SGSM1: variants seen among roughly 807,000 people sequenced by gnomAD.
SGSM1 encodes the protein RUN and TBC1 domain containing 2.
A neutral mutation model predicts 133.8 loss-of-function variants in SGSM1; 73 were observed. That is an observed-to-expected ratio of 0.55 (90% confidence interval 0.45 to 0.66). The LOEUF is 0.66. Among genes scored for constraint, SGSM1 ranks in the 30% least tolerant of loss-of-function variants. The pLI, the probability that SGSM1 is intolerant of heterozygous loss-of-function variation, is 0.00. For missense variants in SGSM1, 1,213 were observed against 1,448.1 expected (o/e 0.84, Z 2.64); for synonymous variants, 563 against 573.0 (o/e 0.98, Z 0.25).
chr22:24,868,206 CAG>C (rs1156460559), intron 10 of SGSM1, among the ~76,000 whole-genome samples, 168 bp from the exon 11 acceptor site: 5 of 152,128 alleles, frequency 3.3e-5, no homozygotes, highest in African/African-American at 9.7e-5. Flanking sequence ...GAGAGAGACT[CAG>C]GGGAGGTAAA....
rs1339034474 is a variant in SGSM1, at chr22:24,926,814, G to C, written c.*2540G>C. On this transcript the variant is annotated 3_prime_UTR_variant, in exon 25 of 25. Coordinates refer to ENST00000400358, the MANE Select transcript of SGSM1 (RefSeq NM_001098497.3). Reference sequence around the variant, plus strand: ...TGCTGAAGAGTTGTGTCTATATATAGAGAAAATATATATAAACAGAGAAAT... The same window carrying C: ...TGCTGAAGAGTTGTGTCTATATATACAGAAAATATATATAAACAGAGAAAT... 6.6e-6 allele frequency: 1 copy of C among 151,610 alleles called. No homozygotes were observed. The highest frequency in any genetic ancestry group is 1.9e-4 in the East Asian group (1 of 5,172). 9.4% of individuals were successfully genotyped at this position (151,610 alleles called of 1,614,324 possible).
intron 2 of SGSM1, among the ~76,000 whole-genome samples, chr22:24,824,598 C>A (rs1055724601): frequency 1.1e-5 from 1 of 91,026 alleles, no homozygotes. Context: ...CTGTTTCTCC[C>A]TGATACAATG....
Position 24,901,901 on chromosome 22 carries a change from C to T in SGSM1, c.2679C>T (p.Arg893=), listed in dbSNP as rs747985486. The change falls in exon 20 of 25, where the codon CGC becomes CGT. Residue 893 remains arginine (R), a synonymous_variant. Transcript: ENST00000400358. ...RIEKDVQRCD[R]NYWYFTPANL... is the part of the protein sequence containing the mutation. The stretch of plus-strand genomic sequence containing the variant: ...AGAAGGATGTGCAGAGGTGCGACCG[C>T]AACTACTGGTACTTCACGCCCGCCA... 2.5e-5 allele frequency: 38 copies of T among 1,550,410 alleles called. No homozygotes were observed. The highest frequency in any genetic ancestry group is 6.8e-5 in the South Asian group (6 of 88,774).
chr22:24,887,421 A>C (rs889902782), intron 16 of SGSM1, among the ~76,000 whole-genome samples: 2 of 152,170 alleles, frequency 1.3e-5, no homozygotes, highest in Admixed American at 1.3e-4. Flanking sequence ...AGTTGTTGAG[A>C]GTATCAAGAG....
At chr22:24,895,428 G>GT (rs1056739860) in intron 18 of SGSM1, 137 bp downstream of exon 18, 17 of 854,944 alleles carry the variant, frequency 2.0e-5, no homozygotes, top group African/African-American at 1.9e-4. Context: ...ATTAAACATT[G>GT]TTTTTTGTTT....
At chr22:24,856,176 T>C (rs1379021259) in intron 8 of SGSM1, 5 of 341,236 alleles carry the variant, frequency 1.5e-5, no homozygotes, top group Non-Finnish European at 2.9e-5. Flanking sequence ...TCCATGGACC[T>C]GCTATGTGCT....
intron 22 of SGSM1, among the ~76,000 whole-genome samples, chr22:24,914,739 A>G (rs987799332): frequency 3.3e-5 from 5 of 152,074 alleles, no homozygotes; most frequent in African/African-American, 1.2e-4. Context: ...CTCAGTAAGG[A>G]GTTTGAGAGG....
intron 21 of SGSM1, among the ~76,000 whole-genome samples, chr22:24,908,248 A>G (rs1933479278): frequency 6.6e-6 from 1 of 152,222 alleles, no homozygotes; most frequent in Non-Finnish European, 1.5e-5. Flanking sequence ...AAATGTAAGA[A>G]CTAAAACTGT....
chr22:24,841,116 C>T (rs540213785), intron 2 of SGSM1, among the ~76,000 whole-genome samples: 17 of 152,306 alleles, frequency 1.1e-4, no homozygotes, highest in African/African-American at 3.6e-4. Context: ...TCCCAAAGTG[C>T]TGGGATTACA....
chr22:24,869,103 G>A (rs1310457025), intron 12 of SGSM1, among the ~76,000 whole-genome samples: 1 of 152,162 alleles, frequency 6.6e-6, no homozygotes, highest in Non-Finnish European at 1.5e-5. Flanking sequence ...ATAGGCTCTG[G>A]AATCCTGGCT....
At chr22:24,899,068 T>C (rs1413336486) in intron 19 of SGSM1, among the ~76,000 whole-genome samples, 1 of 151,848 alleles carries the variant, frequency 6.6e-6, no homozygotes, top group Non-Finnish European at 1.5e-5. Flanking sequence ...GTTATAATAT[T>C]TTATGCAACT....
At chr22:24,838,748 G>A (rs1376482551) in intron 2 of SGSM1, among the ~76,000 whole-genome samples, 2 of 151,858 alleles carry the variant, frequency 1.3e-5, no homozygotes, top group Non-Finnish European at 2.9e-5. Context: ...TTTAATGACA[G>A]TACCACATTG....
chr22:24,915,618 C>A lies in SGSM1; in HGVS notation c.2929-2040C>A, dbSNP rs138866946. ...AGTACATGAGTTGTTTTGAGACAGG[C>A]ATGCAATGTGAAATAAGAAAATAGA... On this transcript the variant is annotated intron_variant, in intron 22 of 24. Transcript: ENST00000400358. Among the ~76,000 whole-genome samples, 431 of 152,216 alleles carry A rather than the reference C, an allele frequency of 2.8e-3. 1 individual carries two copies. Among genetic ancestry groups the A allele is most frequent in the Middle Eastern group, 0.014 (4 of 294 alleles).
chr22:24,894,450 A>C (rs567678555), intron 17 of SGSM1, among the ~76,000 whole-genome samples: 1 of 152,378 alleles, frequency 6.6e-6, no homozygotes, highest in Admixed American at 6.5e-5. Context: ...CCACAATAAC[A>C]GTGTGTAACA....
At chr22:24,899,534 T>C (rs1194210852) in intron 19 of SGSM1, among the ~76,000 whole-genome samples, 1 of 148,790 alleles carries the variant, frequency 6.7e-6, no homozygotes, top group East Asian at 1.9e-4. Context: ...TTTTTTTTTT[T>C]TTAATTGAGA....
At chr22:24,831,683 AC>A (rs1425515929) in intron 2 of SGSM1, among the ~76,000 whole-genome samples, 1 of 152,090 alleles carries the variant, frequency 6.6e-6, no homozygotes, top group Non-Finnish European at 1.5e-5. Flanking sequence ...CAACTCCAAA[AC>A]AAAAAGCCCT....
chr22:24,864,539 C>T (rs1398601058), intron 9 of SGSM1, among the ~76,000 whole-genome samples: 1 of 152,136 alleles, frequency 6.6e-6, no homozygotes, highest in Admixed American at 6.5e-5. Context: ...GGATGAACCT[C>T]AAAAGCCTTA....
intron 21 of SGSM1, among the ~76,000 whole-genome samples, chr22:24,909,516 C>T (rs958771453): frequency 2.1e-4 from 32 of 152,100 alleles, no homozygotes; most frequent in African/African-American, 7.2e-4. Flanking sequence ...AGTGCAATGG[C>T]ACCATCTCAG....
intron 22 of SGSM1, among the ~76,000 whole-genome samples, chr22:24,913,037 C>G (rs1933690315): frequency 6.6e-6 from 1 of 152,190 alleles, no homozygotes; most frequent in African/African-American, 2.4e-5. Context: ...CAGTGCCTCT[C>G]AGAGCATAGT....
Sources: gnomAD v4.1 joint callset for allele counts (sites outside exome capture counted in the v4.1 genomes callset) on GRCh38, gnomAD v4.1.1 for gene constraint, MANE v1.5 for transcripts, NCBI Gene and HGNC (gene_info 2026-07-23, HGNC 2026-07-21) for gene names.